Variants in SUN2 observed in about 807,000 individuals in gnomAD.
SUN2 encodes the protein Sad1 and UNC84 domain containing 2.
SUN2 carries 60 observed loss-of-function variants against 100.0 expected under a neutral mutation model. The observed-to-expected ratio is 0.60, with a 90% CI of 0.49 to 0.74. SUN2 has a LOEUF of 0.74. Ranked by LOEUF, SUN2 falls within the 30% of genes least tolerant of loss-of-function variation. SUN2 has a pLI of 0.00. For missense variants in SUN2, 834 were observed against 954.6 expected (o/e 0.87, Z 1.66); for synonymous variants, 367 against 403.3 (o/e 0.91, Z 1.08).
chr22:38,742,112 C>T (rs185821329), intron 9 of SUN2, among the ~76,000 whole-genome samples, 189 bp downstream of exon 9: 8 of 151,338 alleles, frequency 5.3e-5, no homozygotes, highest in Admixed American at 5.3e-4. Flanking sequence ...CACTGCACTC[C>T]AGGCTGGGTG....
At position 38,738,456 on chromosome 22, in the gene SUN2, C is replaced by T; in HGVS notation, c.1947+131G>A. ...CAGGGACTGAAGTGCTGTCTCCCAC[C>T]CTAGCTCCTCCTCTTCCAAATCCAC... On this transcript the variant is annotated intron_variant, in intron 16 of 17. Transcript: ENST00000689035. The surrounding 1 kb of genome is among the most constrained non-coding windows in gnomAD (Gnocchi z 6.6). 4.6e-6 allele frequency: 6 copies of T among 1,309,802 alleles called. No homozygotes were observed. The South Asian group carries it at 8.1e-5, about 18-fold the overall frequency. 81.1% of individuals were successfully genotyped at this position (1,309,802 alleles called of 1,614,324 possible). A position where few individuals can be genotyped will look rare whatever the true frequency, so the allele number is the denominator to read the frequency against.
intron 10 of SUN2, 148 bp from the exon 11 acceptor site, chr22:38,741,198 C>T: frequency 6.9e-6 from 6 of 870,586 alleles, no homozygotes; most frequent in Non-Finnish European, 9.3e-6. Context: ...AACTGGCCTC[C>T]TTGTCAAAGC....
At chr22:38,741,233 A>T (rs1270082801) in intron 10 of SUN2, among the ~76,000 whole-genome samples, 183 bp from the exon 11 acceptor site, 2 of 150,776 alleles carry the variant, frequency 1.3e-5, no homozygotes, top group Non-Finnish European at 2.9e-5. Context: ...TCCATGTCTG[A>T]CACACTGAGG....
Position 38,755,329 on chromosome 22 carries a change from C to A in SUN2, c.-38+434G>T, listed in dbSNP as rs2092977459. ...GGCTCTCTAAGTCACACCGCGCCCCCCATTGCTTTGTTTTGTTTTGTTTTA... is the reference window on the plus strand; with the variant it reads ...GGCTCTCTAAGTCACACCGCGCCCCACATTGCTTTGTTTTGTTTTGTTTTA... On this transcript the variant is annotated intron_variant, in intron 1 of 17. Transcript: ENST00000689035. This position sits in a 1 kb window ranked among gnomAD's most constrained non-coding sequence, Gnocchi z 5.7. 9.1e-7 allele frequency: 1 copy of A among 1,095,026 alleles called. No individual in the cohort carries two copies. The highest frequency in any genetic ancestry group is 2.3e-5 in the South Asian group (1 of 42,586). The allele number at this position is 1,095,026 out of a possible 1,614,324, so 67.8% of individuals were successfully genotyped here.
At chr22:38,754,575 T>G in intron 1 of SUN2, 1 of 1,097,820 alleles carries the variant, frequency 9.1e-7, no homozygotes, top group Non-Finnish European at 1.2e-6. Flanking sequence ...TGGGTCCTTG[T>G]CTCTATTCCT....
At position 38,751,114 on chromosome 22, in the gene SUN2, G is replaced by A. The variant is rs759311110; in HGVS notation, c.287-79C>T. 10 of 1,609,864 alleles carry A rather than the reference G, an allele frequency of 6.2e-6. No homozygotes were observed. In the South Asian group the frequency reaches 1.1e-4, roughly 18 times the overall value. On this transcript the variant is annotated intron_variant, in intron 3 of 17. Transcript: ENST00000689035. ...TGGGGTCTGGGCAGAGAGGTGCTCTGAGGAGGGAATCCCGGGGACTGCAGG... is the reference window on the plus strand; with the variant it reads ...TGGGGTCTGGGCAGAGAGGTGCTCTAAGGAGGGAATCCCGGGGACTGCAGG...
rs1389914420 is a variant in SUN2, at chr22:38,738,463, C to T, written c.1947+124G>A. The stretch of plus-strand genomic sequence containing the variant: ...TGAAGTGCTGTCTCCCACCCTAGCT[C>T]CTCCTCTTCCAAATCCACTCCCCTC... On this transcript the variant is annotated intron_variant, in intron 16 of 17. Coordinates refer to ENST00000689035, the MANE Select transcript of SUN2 (RefSeq NM_015374.3). The surrounding 1 kb of genome is among the most constrained non-coding windows in gnomAD (Gnocchi z 6.6). 3 of 1,351,890 alleles carry T rather than the reference C, an allele frequency of 2.2e-6. No homozygotes were observed. The highest frequency in any genetic ancestry group is 3.1e-6 in the Non-Finnish European group (3 of 977,108). The allele number at this position is 1,351,890 out of a possible 1,614,324, so 83.7% of individuals were successfully genotyped here.
At position 38,736,091 on chromosome 22, in the gene SUN2, C is replaced by A; in HGVS notation, c.*176G>T. On this transcript the variant is annotated 3_prime_UTR_variant, in exon 18 of 18. Transcript: ENST00000689035. The stretch of plus-strand genomic sequence containing the variant: ...GAAGGGAGCTGCTGGAGCCTGCTAA[C>A]CGCCTCGAGCCACCTGCTGCTCAGG... 1.5e-6 allele frequency: 1 copy of A among 689,508 alleles called. No homozygotes were observed. The allele number at this position is 689,508 out of a possible 1,614,324, so 42.7% of individuals were successfully genotyped here.
rs1344827280 is a variant in SUN2 at position 38,740,970 on chromosome 22, G to A, written c.1190+37C>T. 1.3e-6 allele frequency: 2 copies of A among 1,572,022 alleles called. No homozygotes were observed. Among genetic ancestry groups the A allele is most frequent in the South Asian group, 1.2e-5 (1 of 85,980 alleles). On this transcript the variant is annotated intron_variant, in intron 11 of 17. Transcript: ENST00000689035. The surrounding 1 kb of genome is among the most constrained non-coding windows in gnomAD (Gnocchi z 4.8). ...TGCCTGGAGAGTGGGTGGGGCTGGG[G>A]AGGAGCAGGCCGAGGCCAGCTGGTG...
At chr22:38,742,878 A>C (rs368259318) in intron 8 of SUN2, 12 of 253,480 alleles carry the variant, frequency 4.7e-5, no homozygotes, top group African/African-American at 2.7e-4. Flanking sequence ...GGAGGACTGG[A>C]AGCTGCAGGA....
Position 38,738,928 on chromosome 22 carries a change from CT to C in SUN2, c.1723del (p.Ser575AlafsTer52). 1 of 1,613,360 alleles carries C rather than the reference CT, an allele frequency of 6.2e-7. No individual in the cohort carries two copies. The highest frequency in any genetic ancestry group is 8.5e-7 in the Non-Finnish European group (1 of 1,179,634). ...GTACCACAGGGGGATGCCGAAGAGG[CT>C]GAGGAGGGCCGTCTTGGTCTCGTAG... ...ETYETKTALL[S>X]LFGIPLWYHS... On this transcript the variant is annotated frameshift_variant, in exon 15 of 18. Coordinates refer to ENST00000689035, the MANE Select transcript of SUN2 (RefSeq NM_015374.3). LOFTEE classifies it high-confidence loss of function. This position sits in a 1 kb window ranked among gnomAD's most constrained non-coding sequence, Gnocchi z 6.6.
In SUN2 at chr22:38,736,112, T is replaced by A; in HGVS notation, c.*155A>T. ...CTAACCGCCTCGAGCCACCTGCTGCTCAGGAGACCCTGCCCGTCCTTTTCA... is the reference window on the plus strand; with the variant it reads ...CTAACCGCCTCGAGCCACCTGCTGCACAGGAGACCCTGCCCGTCCTTTTCA... On this transcript the variant is annotated 3_prime_UTR_variant, in exon 18 of 18. Coordinates refer to ENST00000689035, the MANE Select transcript of SUN2 (RefSeq NM_015374.3). The A allele has an allele frequency of 1.3e-6, 1 of 748,820 alleles. No individual in the cohort carries two copies. Among genetic ancestry groups the A allele is most frequent in the Non-Finnish European group, 2.4e-6 (1 of 422,160 alleles). The allele number at this position is 748,820 out of a possible 1,614,324, so 46.4% of individuals were successfully genotyped here. A position where few individuals can be genotyped will look rare whatever the true frequency, so the allele number is the denominator to read the frequency against.
chr22:38,740,485 G>C lies in SUN2; in HGVS notation c.1191-53C>G. On this transcript the variant is annotated intron_variant, in intron 11 of 17. Coordinates refer to ENST00000689035, the MANE Select transcript of SUN2 (RefSeq NM_015374.3). The surrounding 1 kb of genome is among the most constrained non-coding windows in gnomAD (Gnocchi z 4.8). ...TCGGATCTCTTTGGTGGGAGGTAAG[G>C]CCACACCAAAGATGAAAGAGGACCC... The C allele has an allele frequency of 2.1e-6, 3 of 1,413,004 alleles. No individual in the cohort carries two copies. The highest frequency in any genetic ancestry group is 2.8e-6 in the Non-Finnish European group (3 of 1,075,642). 87.5% of individuals were successfully genotyped at this position (1,413,004 alleles called of 1,614,324 possible).
intron 2 of SUN2, among the ~76,000 whole-genome samples, chr22:38,751,637 C>G (rs565955301): frequency 6.6e-6 from 1 of 152,262 alleles, no homozygotes; most frequent in Non-Finnish European, 1.5e-5. Context: ...CCACTGAAAC[C>G]AGACAGACCT....
chr22:38,746,317 T>A (rs1013613598), intron 7 of SUN2, among the ~76,000 whole-genome samples: 1 of 152,060 alleles, frequency 6.6e-6, no homozygotes, highest in African/African-American at 2.4e-5. Context: ...CCACCCCCTC[T>A]AAGAGAGGCT....
chr22:38,741,151 C>A, intron 10 of SUN2, 101 bp from the exon 11 acceptor site: 1 of 1,337,250 alleles, frequency 7.5e-7, no homozygotes, highest in Non-Finnish European at 1.0e-6. Flanking sequence ...TAACCACACC[C>A]CTGCCCAAGG....
At chr22:38,754,609 C>T (rs1218419818) in intron 1 of SUN2, 7 of 457,810 alleles carry the variant, frequency 1.5e-5, no homozygotes, top group East Asian at 7.7e-5. Flanking sequence ...AATCTCCCCT[C>T]CCCCCTCCCT....
At position 38,736,320 on chromosome 22, in the gene SUN2, G is replaced by T. The variant is rs756051703; in HGVS notation, c.2101C>A (p.Pro701Thr). The change falls in exon 18 of 18, where the codon CCC becomes ACC. Residue 701 changes from proline to threonine, a missense_variant. Around this residue, in one of 3 missense-constraint regions of SUN2, gnomAD observed 80 missense variants for 76.7 expected, o/e 1.04. Coordinates refer to ENST00000689035, the MANE Select transcript of SUN2 (RefSeq NM_015374.3). Reference protein sequence around the residue: ...ELRILTNWGHPEYTCIYRFRV... With the variant: ...ELRILTNWGHTEYTCIYRFRV... ...AAGCGGTAGATGCAGGTGTACTCGGGGTGGCCCCAGTTAGTCAGGATCCGC... is the reference window on the plus strand; with the variant it reads ...AAGCGGTAGATGCAGGTGTACTCGGTGTGGCCCCAGTTAGTCAGGATCCGC... The T allele has an allele frequency of 6.2e-7, 1 of 1,614,036 alleles. No homozygotes were observed. The highest frequency in any genetic ancestry group is 1.7e-5 in the Admixed American group (1 of 60,010).
chr22:38,750,007 C>T (rs902601281), intron 5 of SUN2, 148 bp from the exon 6 acceptor site: 2 of 977,990 alleles, frequency 2.0e-6, no homozygotes, highest in East Asian at 3.0e-5. Context: ...GTCCTTGGAT[C>T]CCACCTGCCC....
Sources: gnomAD v4.1 joint callset for allele counts (sites outside exome capture counted in the v4.1 genomes callset) on GRCh38, gnomAD v4.1.1 for gene constraint, gnomAD v4.1.1 regional missense constraint, Gnocchi (gnomAD v3.1) non-coding constraint, MANE v1.5 for transcripts, NCBI Gene and HGNC (gene_info 2026-07-23, HGNC 2026-07-21) for gene names.